The following TEX26 variants were observed in gnomAD, a reference collection of about 807,000 sequenced individuals.
TEX26 encodes the protein testis expressed 26.
In TEX26, 34 loss-of-function variants were observed where a neutral mutation model predicts 35.3. That is an observed-to-expected ratio of 0.96 (90% CI 0.73 to 1.28). TEX26 has a LOEUF of 1.28. Ranked by LOEUF, TEX26 falls within the 50% of genes most tolerant of loss-of-function variation. The pLI is 0.00. For missense variants in TEX26, 371 were observed against 330.1 expected (o/e 1.12, Z -0.96); for synonymous variants, 136 against 111.8 (o/e 1.22, Z -1.36).
chr13:30,932,914 G>C (rs962323417), intron 1 of TEX26, 138 bp downstream of exon 1: 2 of 869,700 alleles, frequency 2.3e-6, no homozygotes, highest in African/African-American at 1.8e-5. Context: ...AGGAAAAGAC[G>C]GGGAGTCAGG....
rs1354195460 is a variant in TEX26, at chr13:30,951,452, G to GT, written c.147-1201dup. The stretch of plus-strand genomic sequence containing the variant: ...CAATAGAATGATCATCCAGATGGAT[G>GT]TTTTTTTCTAACTTCCTAGATATTT... On this transcript the variant is annotated intron_variant, in intron 2 of 6. Coordinates refer to ENST00000380473, the MANE Select transcript of TEX26 (RefSeq NM_152325.3). Among the ~76,000 whole-genome samples the GT allele has an allele frequency of 4.0e-5, 6 of 151,796 alleles. No homozygotes were observed. In the East Asian group the frequency reaches 9.7e-4, roughly 24 times the overall value.
intron 4 of TEX26, among the ~76,000 whole-genome samples, chr13:30,957,382 C>A (rs1954178374): frequency 1.3e-5 from 2 of 152,044 alleles, no homozygotes; most frequent in South Asian, 2.1e-4. Flanking sequence ...AGAACTTCAG[C>A]AAGAGTAGAG....
In TEX26 at chr13:30,932,686, C is replaced by T. The variant is rs933152579; in HGVS notation, c.-30C>T. 6.2e-7 allele frequency: 1 copy of T among 1,607,714 alleles called. No individual in the cohort carries two copies. The highest frequency in any genetic ancestry group is 8.5e-7 in the Non-Finnish European group (1 of 1,177,730). ...CCGCAAGCGCTGAGATAGCTGGAGC[C>T]AGGGCCCCGCGGCCGCCTCCTGGGG... On this transcript the variant is annotated 5_prime_UTR_variant, in exon 1 of 7. Transcript: ENST00000380473.
chr13:30,939,144 A>G (rs557517019), intron 1 of TEX26, among the ~76,000 whole-genome samples: 1 of 152,376 alleles, frequency 6.6e-6, no homozygotes, highest in South Asian at 2.1e-4. Flanking sequence ...TGTATAAATC[A>G]GCATGTGATT....
At chr13:30,935,829 G>A (rs1176845258) in intron 1 of TEX26, among the ~76,000 whole-genome samples, 16 of 152,142 alleles carry the variant, frequency 1.1e-4, no homozygotes, top group Admixed American at 5.9e-4. Context: ...ACCTCAATGC[G>A]GGACAAAAAC....
chr13:30,941,783 G>A (rs954220243), intron 2 of TEX26, among the ~76,000 whole-genome samples: 2 of 151,956 alleles, frequency 1.3e-5, no homozygotes, highest in African/African-American at 2.4e-5. Context: ...GAGTTACTTC[G>A]CTTAGAATAA....
intron 2 of TEX26, among the ~76,000 whole-genome samples, chr13:30,946,878 T>C (rs1410097496): frequency 1.3e-5 from 2 of 152,244 alleles, no homozygotes; most frequent in East Asian, 1.9e-4. Flanking sequence ...AGCAAATTAA[T>C]ACCTGCCATG....
chr13:30,949,328 T>A (rs1055676354), intron 2 of TEX26, among the ~76,000 whole-genome samples: 1 of 152,188 alleles, frequency 6.6e-6, no homozygotes, highest in African/African-American at 2.4e-5. Flanking sequence ...AATATATTTT[T>A]ATCAAAATCT....
Position 30,952,780 on chromosome 13 carries a change from T to G in TEX26, c.267T>G (p.Thr89=). ...KSHSKEDLIK[T]ETSRGIKSHK... ...ACTCTAAAGAAGATTTGATCAAAAC[T>G]GAGACTTCAAGAGGAATCAAGAGCC... is the stretch of plus-strand genomic sequence containing the variant. The change falls in exon 3 of 7, where the codon ACT becomes ACG. Residue 89 remains threonine (T), a synonymous_variant. Transcript: ENST00000380473. 6.2e-7 allele frequency: 1 copy of G among 1,613,010 alleles called. No individual in the cohort carries two copies. The highest frequency in any genetic ancestry group is 8.5e-7 in the Non-Finnish European group (1 of 1,179,506).
chr13:30,933,768 A>T (rs183143497), intron 1 of TEX26: 1 of 152,286 alleles, frequency 6.6e-6, no homozygotes, highest in East Asian at 1.9e-4. Flanking sequence ...GCATCCCGAC[A>T]GCACCCCTTT....
chr13:30,968,041 T>C (rs1486553550), intron 5 of TEX26, among the ~76,000 whole-genome samples: 1 of 152,330 alleles, frequency 6.6e-6, no homozygotes, highest in African/African-American at 2.4e-5. Context: ...AATATCACCA[T>C]CATAGTGGCC....
chr13:30,956,703 C>T (rs891646402), intron 3 of TEX26, among the ~76,000 whole-genome samples, 170 bp from the exon 4 acceptor site: 19 of 152,208 alleles, frequency 1.2e-4, no homozygotes, highest in African/African-American at 4.3e-4. Flanking sequence ...GCCCGCGTTT[C>T]GACTGGGTCA....
chr13:30,961,450 T>C (rs560769494), intron 4 of TEX26, among the ~76,000 whole-genome samples: 13 of 152,358 alleles, frequency 8.5e-5, no homozygotes, highest in Admixed American at 2.6e-4. Context: ...AGTTCACTTC[T>C]TTGCTATTAT....
At chr13:30,939,975 T>C (rs1030309870) in intron 2 of TEX26, among the ~76,000 whole-genome samples, 197 bp downstream of exon 2, 3 of 152,216 alleles carry the variant, frequency 2.0e-5, no homozygotes, top group South Asian at 2.1e-4. Context: ...ACACCTCCTA[T>C]AGGGAAACCG....
chr13:30,953,402 C>A (rs561160886), intron 3 of TEX26, among the ~76,000 whole-genome samples: 86 of 152,348 alleles, frequency 5.6e-4, no homozygotes, highest in African/African-American at 2.1e-3. Flanking sequence ...ACCCATGTAG[C>A]ATCCGTGTAG....
At chr13:30,942,766 A>G (rs1953560656) in intron 2 of TEX26, among the ~76,000 whole-genome samples, 1 of 151,960 alleles carries the variant, frequency 6.6e-6, no homozygotes, top group African/African-American at 2.4e-5. Context: ...ATGTTTTTGT[A>G]TGCTTTGTCA....
chr13:30,969,180 A>AC lies in TEX26; in HGVS notation c.808+135dup, dbSNP rs888432122. 1.8e-5 allele frequency: 15 copies of AC among 836,212 alleles called. No individual in the cohort carries two copies. In the African/African-American group the frequency reaches 2.6e-4, roughly 14 times the overall value. 51.8% of individuals were successfully genotyped at this position (836,212 alleles called of 1,614,324 possible). ...AAACATTGCCTCAAAAAAAAAAAAA[A>AC]CTCATAGTGTTGTGCAAACCTCAAT... On this transcript the variant is annotated intron_variant, in intron 6 of 6. Coordinates refer to ENST00000380473, the MANE Select transcript of TEX26 (RefSeq NM_152325.3).
intron 4 of TEX26, among the ~76,000 whole-genome samples, chr13:30,959,703 T>G (rs1954266103): frequency 6.6e-6 from 1 of 152,170 alleles, no homozygotes; most frequent in South Asian, 2.1e-4. Flanking sequence ...TTACCAAAAT[T>G]TTTTCCAAAC....
At position 30,952,707 on chromosome 13, in the gene TEX26, C is replaced by A; in HGVS notation, c.194C>A (p.Pro65His). The A allele has an allele frequency of 6.2e-7, 1 of 1,610,218 alleles. No individual in the cohort carries two copies. Among genetic ancestry groups the A allele is most frequent in the Non-Finnish European group, 8.5e-7 (1 of 1,178,554 alleles). ...GGATATACATATTCACTTAGTGATC[C>A]TATTCTCAATCAGACACAATATAGT... ...RLGYTYSLSD[P>H]ILNQTQYSDE... The change falls in exon 3 of 7, where the codon CCT becomes CAT. Residue 65 changes from proline (P) to histidine (H), a missense_variant. Transcript: ENST00000380473.
Sources: gnomAD v4.1 joint callset for allele counts (sites outside exome capture counted in the v4.1 genomes callset) on GRCh38, gnomAD v4.1.1 for gene constraint, MANE v1.5 for transcripts, NCBI Gene and HGNC (gene_info 2026-07-23, HGNC 2026-07-21) for gene names.